CLASP2: variants seen among roughly 807,000 people sequenced by gnomAD.
The protein encoded by CLASP2 is cytoplasmic linker associated protein 2.
In CLASP2, 47 loss-of-function variants were observed where a neutral mutation model predicts 194.4. The observed-to-expected ratio is 0.24, with a 90% CI of 0.19 to 0.31. The LOEUF (loss-of-function observed/expected upper bound fraction) is 0.31, where lower values mean the gene tolerates loss of function less well. Ranked by LOEUF, CLASP2 falls within the 10% of genes least tolerant of loss-of-function variation. CLASP2 has a pLI of 1.00. For synonymous variants in CLASP2, 619 were observed against 633.5 expected, an observed-to-expected ratio of 0.98 and a Z score of 0.34; for missense variants, 1,445 against 1,823.6, an observed-to-expected ratio of 0.79 and a Z score of 3.78.
intron 33 of CLASP2, among the ~76,000 whole-genome samples, chr3:33,535,667 G>A (rs1162032591): frequency 2.0e-5 from 3 of 152,116 alleles, no homozygotes; most frequent in Non-Finnish European, 4.4e-5. Flanking sequence ...AACTACAGCT[G>A]TGAAGGCAAA....
At chr3:33,602,510 G>A (rs373379908) in intron 18 of CLASP2, 148 of 757,296 alleles carry the variant, frequency 2.0e-4, no homozygotes, top group Non-Finnish European at 3.0e-4. Flanking sequence ...ACTGAATAGA[G>A]TTTTGGAATA....
chr3:33,713,773 T>C (rs538276228), intron 1 of CLASP2, among the ~76,000 whole-genome samples: 19 of 152,196 alleles, frequency 1.2e-4, no homozygotes, highest in African/African-American at 4.6e-4. Context: ...AGTCTCAATA[T>C]CCTGGGCTAA....
At chr3:33,620,995 CTTTGTG>C (rs1287641161) in intron 11 of CLASP2, among the ~76,000 whole-genome samples, 2 of 114,438 alleles carry the variant, frequency 1.7e-5, no homozygotes, top group South Asian at 3.2e-4. Flanking sequence ...CTCTGTAGCT[CTTTGTG>C]TGTGTGTGTG....
chr3:33,561,176 C>T (rs1021919238), intron 27 of CLASP2, among the ~76,000 whole-genome samples: 4 of 152,122 alleles, frequency 2.6e-5, no homozygotes, highest in East Asian at 3.8e-4. Context: ...TGCAGAAGTT[C>T]GACAATTAGC....
At chr3:33,681,267 A>G (rs1391890270) in intron 6 of CLASP2, among the ~76,000 whole-genome samples, 1 of 152,212 alleles carries the variant, frequency 6.6e-6, no homozygotes, top group Non-Finnish European at 1.5e-5. Flanking sequence ...ATTTACTCAA[A>G]TGGAATTGTT....
chr3:33,684,245 C>CAAAA, intron 6 of CLASP2, 114 bp downstream of exon 6: 1 of 547,952 alleles, frequency 1.8e-6, no homozygotes, highest in African/African-American at 2.1e-5. Context: ...GACTCCATCT[C>CAAAA]AAAAAAATAA....
rs544323492 is a variant in CLASP2 at position 33,525,685 on chromosome 3, G to T, written c.3788-8511C>A. Among the ~76,000 whole-genome samples the T allele has an allele frequency of 1.1e-4, 17 of 152,302 alleles. No homozygotes were observed. The South Asian group carries it at 3.3e-3, about 30-fold the overall frequency. On this transcript the variant is annotated intron_variant, in intron 34 of 38. Coordinates refer to ENST00000682230, the MANE Select transcript of CLASP2 (RefSeq NM_001365631.1). ...GAGTCTTGGCAGAGGAGCCACTCAG[G>T]CATGCATGGAAACCCTGGAGCCTCA...
At chr3:33,534,632 T>C (rs535168926) in intron 34 of CLASP2, among the ~76,000 whole-genome samples, 1 of 152,166 alleles carries the variant, frequency 6.6e-6, no homozygotes, top group Non-Finnish European at 1.5e-5. Flanking sequence ...ACAACTTACC[T>C]GCATCTTACT....
rs2090947381 is a variant in CLASP2, at chr3:33,688,302, G to A, written c.445C>T (p.Leu149=). 6.3e-7 allele frequency: 1 copy of A among 1,589,214 alleles called. No homozygotes were observed. The stretch of plus-strand genomic sequence containing the variant: ...ATGTTTAAGGTTTCAATAAGACACA[G>A]ACACACGCCTTCTCGAGATCGAAAA... ...KNFRSREGVC[L]CLIETLNIFG... The change falls in exon 4 of 39, where the codon CTG becomes TTG. Residue 149 remains leucine (L), a synonymous_variant. Coordinates refer to ENST00000682230, the MANE Select transcript of CLASP2 (RefSeq NM_001365631.1).
intron 8 of CLASP2, among the ~76,000 whole-genome samples, chr3:33,641,734 T>C (rs536298286): frequency 6.6e-6 from 1 of 152,096 alleles, no homozygotes; most frequent in South Asian, 2.1e-4. Context: ...AAGTCACGAT[T>C]CCAAAGAAGC....
chr3:33,661,134 T>C (rs1389608007), intron 7 of CLASP2, among the ~76,000 whole-genome samples: 1 of 152,218 alleles, frequency 6.6e-6, no homozygotes, highest in Non-Finnish European at 1.5e-5. Flanking sequence ...TCTAATGGTC[T>C]TTCACTTGGC....
At chr3:33,581,407 C>T (rs2066112031) in intron 23 of CLASP2, among the ~76,000 whole-genome samples, 1 of 152,060 alleles carries the variant, frequency 6.6e-6, no homozygotes, top group South Asian at 2.1e-4. Context: ...TTTTTAGTAA[C>T]CTAAGTTAAA....
intron 9 of CLASP2, among the ~76,000 whole-genome samples, chr3:33,629,742 G>A (rs1223987926): frequency 6.6e-6 from 1 of 150,988 alleles, no homozygotes; most frequent in African/African-American, 2.4e-5. Flanking sequence ...ATCCACAGTT[G>A]TAGTTTTGCA....
chr3:33,567,097 C>T (rs1054305118), intron 26 of CLASP2, among the ~76,000 whole-genome samples: 1 of 152,112 alleles, frequency 6.6e-6, no homozygotes, highest in African/African-American at 2.4e-5. Context: ...TGAATGGGGC[C>T]AACATTTGGT....
chr3:33,561,025 C>G, intron 27 of CLASP2, 54 bp from the exon 28 acceptor site: 2 of 1,478,420 alleles, frequency 1.4e-6, no homozygotes, highest in East Asian at 4.6e-5. Context: ...ATATTGACCT[C>G]TATGTTCAAT....
intron 7 of CLASP2, among the ~76,000 whole-genome samples, chr3:33,653,938 G>A (rs1225562936): frequency 6.6e-6 from 1 of 151,618 alleles, no homozygotes; most frequent in Non-Finnish European, 1.5e-5. Context: ...AAAATAAGAC[G>A]AGGGTGGAAT....
intron 6 of CLASP2, among the ~76,000 whole-genome samples, chr3:33,666,984 T>C (rs2086283479): frequency 6.6e-6 from 1 of 152,226 alleles, no homozygotes; most frequent in African/African-American, 2.4e-5. Context: ...CATCTTTCTA[T>C]GTGCTATTGC....
At chr3:33,508,056 A>T (rs1216173496) in intron 37 of CLASP2, among the ~76,000 whole-genome samples, 1 of 151,530 alleles carries the variant, frequency 6.6e-6, no homozygotes, top group Non-Finnish European at 1.5e-5. Flanking sequence ...ATGCAGTGGC[A>T]TGATCACAGC....
intron 3 of CLASP2, 94 bp from the exon 4 acceptor site, chr3:33,688,462 G>T: frequency 1.1e-6 from 1 of 900,542 alleles, no homozygotes; most frequent in Non-Finnish European, 1.7e-6. Flanking sequence ...CAACCTTATC[G>T]GTAACTGAAT....
Sources: gnomAD v4.1 joint callset for allele counts (sites outside exome capture counted in the v4.1 genomes callset) on GRCh38, gnomAD v4.1.1 for gene constraint, MANE v1.5 for transcripts, NCBI Gene and HGNC (gene_info 2026-07-23, HGNC 2026-07-21) for gene names.